The following ARL5B variants were observed in gnomAD, a reference collection of about 807,000 sequenced individuals.
ARL5B encodes ADP-ribosylation factor-like protein 5B.
In ARL5B, 10 loss-of-function variants were observed where a neutral mutation model predicts 26.9. That is an observed-to-expected ratio of 0.37 (90% confidence interval 0.23 to 0.63). The LOEUF is 0.63. Ranked by LOEUF, ARL5B falls within the 30% of genes least tolerant of loss-of-function variation. The pLI, the probability that ARL5B is intolerant of heterozygous loss-of-function variation, is 0.62. For missense variants in ARL5B, 167 were observed against 213.9 expected, an observed-to-expected ratio of 0.78 and a Z score of 1.37; for synonymous variants, 87 against 70.4, an observed-to-expected ratio of 1.24 and a Z score of -1.18.
intron 2 of ARL5B, among the ~76,000 whole-genome samples, chr10:18,667,666 A>C (rs2131641350): frequency 6.6e-6 from 1 of 152,210 alleles, no homozygotes; most frequent in African/African-American, 2.4e-5. Flanking sequence ...TGATTATGAT[A>C]ATACGAGGGG....
intron 2 of ARL5B, among the ~76,000 whole-genome samples, chr10:18,668,279 C>G (rs972687082): frequency 6.6e-6 from 1 of 151,912 alleles, no homozygotes; most frequent in Admixed American, 6.6e-5. Flanking sequence ...TCACACCACA[C>G]TGTTTCCTTT....
chr10:18,672,735 C>A, intron 4 of ARL5B, 30 bp downstream of exon 4: 1 of 1,518,124 alleles, frequency 6.6e-7, no homozygotes, highest in Non-Finnish European at 9.1e-7. Flanking sequence ...CTTTAAAAAA[C>A]AGTGTAGTAA....
chr10:18,665,290 G>A (rs957916490), intron 1 of ARL5B, among the ~76,000 whole-genome samples: 1 of 152,094 alleles, frequency 6.6e-6, no homozygotes, highest in African/African-American at 2.4e-5. Context: ...CAGTGATCAT[G>A]CCCCTGCACT....
chr10:18,669,477 C>T (rs1283471115), intron 3 of ARL5B, among the ~76,000 whole-genome samples: 1 of 152,028 alleles, frequency 6.6e-6, no homozygotes, highest in Non-Finnish European at 1.5e-5. Flanking sequence ...AAGTTCTCTG[C>T]CACTTATGAG....
In ARL5B at chr10:18,666,567, T is replaced by C. The variant is rs756717282; in HGVS notation, c.47-8T>C. The C allele has an allele frequency of 3.1e-6, 5 of 1,602,644 alleles. No individual in the cohort carries two copies. Among genetic ancestry groups the C allele is most frequent in the Non-Finnish European group, 3.4e-6 (4 of 1,175,090 alleles). Reference sequence around the variant, plus strand: ...GTTAAATGTTTATGATTTGCTTTCTTTTTGTAGAACACAAAGTAATTATAG... The same window carrying C: ...GTTAAATGTTTATGATTTGCTTTCTCTTTGTAGAACACAAAGTAATTATAG... On this transcript the variant is annotated splice_region_variant and splice_polypyrimidine_tract_variant and intron_variant, in intron 1 of 5. Coordinates refer to ENST00000377275, the MANE Select transcript of ARL5B (RefSeq NM_178815.5).
Position 18,678,798 on chromosome 10 carries a change from A to G in ARL5B, c.*3582A>G, listed in dbSNP as rs2059920759. On this transcript the variant is annotated 3_prime_UTR_variant, in exon 6 of 6. Transcript: ENST00000377275. ...AGCATGGTGTCTTGTATCTAGTAGA[A>G]TATTGTGCTAGCCATCTAAAAAAGT... The G allele has an allele frequency of 6.6e-6, 1 of 151,790 alleles. No homozygotes were observed. The highest frequency in any genetic ancestry group is 2.1e-4 in the South Asian group (1 of 4,824). 9.4% of individuals were successfully genotyped at this position (151,790 alleles called of 1,614,324 possible).
chr10:18,673,473 A>G (rs1464247678), intron 4 of ARL5B, among the ~76,000 whole-genome samples: 3 of 152,156 alleles, frequency 2.0e-5, no homozygotes, highest in Admixed American at 1.3e-4. Flanking sequence ...ATCCATCTTA[A>G]TATGTACTGC....
At chr10:18,661,702 A>G (rs1213400560) in intron 1 of ARL5B, among the ~76,000 whole-genome samples, 1 of 152,242 alleles carries the variant, frequency 6.6e-6, no homozygotes, top group Non-Finnish European at 1.5e-5. Context: ...GTGTAAAAAT[A>G]TAACGTTGGC....
rs2059916322 is a variant in ARL5B at position 18,677,733 on chromosome 10, TTC to T, written c.*2519_*2520del. ...GCCTTTATTCATATTTTGAAATAAG[TTC>T]TTAGTTTTATATTATACCTGTTCTT... On this transcript the variant is annotated 3_prime_UTR_variant, in exon 6 of 6. Coordinates refer to ENST00000377275, the MANE Select transcript of ARL5B (RefSeq NM_178815.5). 1 of 152,242 alleles carries T rather than the reference TTC, an allele frequency of 6.6e-6. No individual in the cohort carries two copies. Among genetic ancestry groups the T allele is most frequent in the African/African-American group, 2.4e-5 (1 of 41,410 alleles). 9.4% of individuals were successfully genotyped at this position (152,242 alleles called of 1,614,324 possible). A position where few individuals can be genotyped will look rare whatever the true frequency, so the allele number is the denominator to read the frequency against.
chr10:18,660,585 G>C (rs2059828231), intron 1 of ARL5B, among the ~76,000 whole-genome samples: 1 of 151,744 alleles, frequency 6.6e-6, no homozygotes, highest in African/African-American at 2.4e-5. Flanking sequence ...ATTTGTTACT[G>C]CTAATGTAGG....
chr10:18,673,566 T>C (rs1564867012), intron 4 of ARL5B, among the ~76,000 whole-genome samples: 1 of 152,156 alleles, frequency 6.6e-6, no homozygotes, highest in Non-Finnish European at 1.5e-5. Context: ...TTTCATAGTA[T>C]AAACAATGCT....
Position 18,676,132 on chromosome 10 carries a change from A to G in ARL5B, c.*916A>G, listed in dbSNP as rs1435736349. 2.6e-5 allele frequency: 4 copies of G among 152,514 alleles called. No individual in the cohort carries two copies. The highest frequency in any genetic ancestry group is 5.9e-5 in the Non-Finnish European group (4 of 67,926). The allele number at this position is 152,514 out of a possible 1,614,324, so 9.4% of individuals were successfully genotyped here. A position where few individuals can be genotyped will look rare whatever the true frequency, so the allele number is the denominator to read the frequency against. On this transcript the variant is annotated 3_prime_UTR_variant, in exon 6 of 6. Coordinates refer to ENST00000377275, the MANE Select transcript of ARL5B (RefSeq NM_178815.5). ...AGCTCTTTTCTTTGCAAGATATATC[A>G]CAGCTGCTTTGGGCAGTAGCTGAAG...
rs2059924155 is a variant in ARL5B, at chr10:18,679,581, A to G, written c.*4365A>G. The G allele has an allele frequency of 6.6e-6, 1 of 151,934 alleles. No homozygotes were observed. Among genetic ancestry groups the G allele is most frequent in the Non-Finnish European group, 1.5e-5 (1 of 67,846 alleles). The allele number at this position is 151,934 out of a possible 1,614,324, so 9.4% of individuals were successfully genotyped here. A position where few individuals can be genotyped will look rare whatever the true frequency, so the allele number is the denominator to read the frequency against. On this transcript the variant is annotated 3_prime_UTR_variant, in exon 6 of 6. Coordinates refer to ENST00000377275, the MANE Select transcript of ARL5B (RefSeq NM_178815.5). ...ATTTTTAAAAAATTTTAGGGGACCAAAATAAATAGAGGAAGACCAATATAA... is the reference window on the plus strand; with the variant it reads ...ATTTTTAAAAAATTTTAGGGGACCAGAATAAATAGAGGAAGACCAATATAA...
intron 2 of ARL5B, among the ~76,000 whole-genome samples, chr10:18,667,361 C>T (rs1440189276): frequency 6.6e-6 from 1 of 152,182 alleles, no homozygotes; most frequent in Non-Finnish European, 1.5e-5. Flanking sequence ...CATTTTTCAG[C>T]TACTTTGCTA....
chr10:18,668,748 A>C (rs916206250), intron 3 of ARL5B, 71 bp downstream of exon 3: 8 of 1,443,538 alleles, frequency 5.5e-6, no homozygotes, highest in Middle Eastern at 2.1e-4. Context: ...ATTAGGCTGC[A>C]CCTGGGCGTA....
At position 18,675,154 on chromosome 10, in the gene ARL5B, T is replaced by C; in HGVS notation, c.492-14T>C. 6.2e-7 allele frequency: 1 copy of C among 1,610,716 alleles called. No individual in the cohort carries two copies. Among genetic ancestry groups the C allele is most frequent in the South Asian group, 1.1e-5 (1 of 90,842 alleles). On this transcript the variant is annotated splice_polypyrimidine_tract_variant and intron_variant, in intron 5 of 5. Transcript: ENST00000377275. Reference sequence around the variant, plus strand: ...TAAGGTTTTTAATTAAAAATACTTCTATCTTTTGTTTAGGTTATGCCAAGG... The same window carrying C: ...TAAGGTTTTTAATTAAAAATACTTCCATCTTTTGTTTAGGTTATGCCAAGG...
At chr10:18,666,468 T>C in intron 1 of ARL5B, 107 bp from the exon 2 acceptor site, 1 of 871,104 alleles carries the variant, frequency 1.1e-6, no homozygotes, top group Non-Finnish European at 1.7e-6. Context: ...TGATAGATAT[T>C]CAGTGAATGA....
rs768254986 is a variant in ARL5B, at chr10:18,680,731, A to G, written c.*5515A>G. 6.6e-6 allele frequency: 1 copy of G among 152,146 alleles called. No homozygotes were observed. Among genetic ancestry groups the G allele is most frequent in the African/African-American group, 2.4e-5 (1 of 41,436 alleles). The allele number at this position is 152,146 out of a possible 1,614,324, so 9.4% of individuals were successfully genotyped here. Reference sequence around the variant, plus strand: ...AATAAAACGGTCATGATTTTTTTCAATTACAGAATAGTTACAAATTTTACC... The same window carrying G: ...AATAAAACGGTCATGATTTTTTTCAGTTACAGAATAGTTACAAATTTTACC... On this transcript the variant is annotated 3_prime_UTR_variant, in exon 6 of 6. Transcript: ENST00000377275.
chr10:18,659,707 C>T (rs954030432), intron 1 of ARL5B, 24 bp downstream of exon 1: 64 of 1,607,418 alleles, frequency 4.0e-5, no homozygotes, highest in Non-Finnish European at 5.4e-5. Flanking sequence ...AGCTGCGCGG[C>T]GGCTCGAATC....
Sources: allele counts gnomAD v4.1 joint callset (sites outside exome capture counted in the v4.1 genomes callset), GRCh38; gene constraint gnomAD v4.1.1; transcripts MANE v1.5; gene names NCBI Gene and HGNC (gene_info 2026-07-23, HGNC 2026-07-21).